Variants in LMNTD1 observed in about 807,000 individuals in gnomAD.
LMNTD1 encodes lamin tail domain containing 1.
Under a neutral mutation model 50.9 loss-of-function variants are expected in LMNTD1, and 35 were observed. The observed-to-expected ratio is 0.69, with a 90% CI of 0.53 to 0.91. LMNTD1 has a LOEUF of 0.91. Ranked by LOEUF, LMNTD1 falls within the 40% of genes least tolerant of loss-of-function variation. The pLI, the probability that LMNTD1 is intolerant of heterozygous loss-of-function variation, is 0.00. For synonymous variants in LMNTD1, 153 were observed against 161.9 expected (o/e 0.94, Z 0.42); for missense variants, 470 against 475.5 (o/e 0.99, Z 0.11).
intron 1 of LMNTD1, among the ~76,000 whole-genome samples, chr12:25,594,651 CAAAAAAAAAAA>C (rs61299586): frequency 1.4e-5 from 1 of 69,902 alleles, no homozygotes; most frequent in Non-Finnish European, 2.7e-5. Context: ...AACAGAAATA[CAAAAAAAAAAA>C]AAAAAAAAAA....
chr12:25,482,526 T>C (rs984137164), intron 9 of LMNTD1, among the ~76,000 whole-genome samples: 1 of 152,046 alleles, frequency 6.6e-6, no homozygotes, highest in African/African-American at 2.4e-5. Context: ...GATGTCTCTT[T>C]TCCTTTGAAC....
intron 1 of LMNTD1, among the ~76,000 whole-genome samples, chr12:25,577,210 T>G (rs1945063455): frequency 6.6e-6 from 1 of 152,206 alleles, no homozygotes; most frequent in African/African-American, 2.4e-5. Context: ...TTAAAGTAGT[T>G]TTTTCCCATT....
chr12:25,634,560 A>G (rs1017187350), intron 1 of LMNTD1, among the ~76,000 whole-genome samples: 1 of 152,200 alleles, frequency 6.6e-6, no homozygotes, highest in African/African-American at 2.4e-5. Context: ...CACCCCATAA[A>G]CAAAATTTAA....
At position 25,494,557 on chromosome 12, in the gene LMNTD1, G is replaced by A. The variant is rs375952664; in HGVS notation, c.*22+9181C>T. On this transcript the variant is annotated intron_variant, in intron 9 of 9. Coordinates refer to ENST00000458174, the MANE Select transcript of LMNTD1 (RefSeq NM_001145728.2). ...CTTGTCTCTGGTTTGTCTCCATAAT[G>A]TATTCCAAAGAATATGATTATGAAT... Among the ~76,000 whole-genome samples, 35 of 152,172 alleles carry A rather than the reference G, an allele frequency of 2.3e-4. No individual in the cohort carries two copies. In the East Asian group the frequency reaches 4.6e-3, roughly 20 times the overall value.
At chr12:25,508,504 AATTT>A (rs762247367) in intron 8 of LMNTD1, among the ~76,000 whole-genome samples, 1 of 152,164 alleles carries the variant, frequency 6.6e-6, no homozygotes, top group Non-Finnish European at 1.5e-5. Flanking sequence ...AACACAGTAT[AATTT>A]ATTTATCCAT....
chr12:25,607,673 A>AT (rs1565516435), intron 1 of LMNTD1, among the ~76,000 whole-genome samples: 3 of 152,160 alleles, frequency 2.0e-5, no homozygotes, highest in Middle Eastern at 3.2e-3. Flanking sequence ...CTGAATTCTA[A>AT]TTTGATTGCA....
At chr12:25,638,431 T>C (rs1946883112) in intron 1 of LMNTD1, among the ~76,000 whole-genome samples, 1 of 152,034 alleles carries the variant, frequency 6.6e-6, no homozygotes, top group Non-Finnish European at 1.5e-5. Context: ...ATCCTGTATG[T>C]AGAAAATACT....
intron 8 of LMNTD1, among the ~76,000 whole-genome samples, chr12:25,508,711 C>T (rs1441300684): frequency 3.9e-5 from 6 of 152,070 alleles, no homozygotes; most frequent in South Asian, 2.1e-4. Context: ...CCTTATTTCA[C>T]GCAGACTTCT....
chr12:25,578,314 G>A (rs1033003255), intron 1 of LMNTD1, among the ~76,000 whole-genome samples: 3 of 152,148 alleles, frequency 2.0e-5, no homozygotes, highest in Admixed American at 2.0e-4. Flanking sequence ...CTGCAATGAC[G>A]GTTACTGGGT....
rs542419456 is a variant in LMNTD1, at chr12:25,503,756, C to T, written c.*4G>A. ...TACTTACCTTTAAAGGTTGAGTTGA[C>T]TGCTTATTGCTTTTGTGACTCAGAT... On this transcript the variant is annotated 3_prime_UTR_variant, in exon 9 of 10. Coordinates refer to ENST00000458174, the MANE Select transcript of LMNTD1 (RefSeq NM_001145728.2). 4 of 1,577,948 alleles carry T rather than the reference C, an allele frequency of 2.5e-6. No homozygotes were observed. Among genetic ancestry groups the T allele is most frequent in the African/African-American group, 1.4e-5 (1 of 73,370 alleles).
rs900356860 is a variant in LMNTD1, at chr12:25,622,471, C to A, written c.58+26023G>T. On this transcript the variant is annotated intron_variant, in intron 1 of 7. Coordinates refer to the LMNTD1 transcript ENST00000445693. ...TGACCTTGAGTTTGTGAGCCCGCCC[C>A]CCCCCGCAAAATAATATCAACATCA... is the stretch of plus-strand genomic sequence containing the variant. Among the ~76,000 whole-genome samples the A allele has an allele frequency of 8.8e-5, 12 of 136,610 alleles. 1 individual carries two copies. Among genetic ancestry groups the A allele is most frequent in the East Asian group, 6.4e-4 (3 of 4,690 alleles). The allele number at this position is 136,610 out of a possible 152,430, so 89.6% of individuals were successfully genotyped here.
chr12:25,567,144 C>T (rs1944587581), intron 1 of LMNTD1, among the ~76,000 whole-genome samples: 1 of 152,162 alleles, frequency 6.6e-6, no homozygotes, highest in Non-Finnish European at 1.5e-5. Context: ...AACCAGACAT[C>T]TGAGATAGAA....
At chr12:25,506,642 G>A (rs901093953) in intron 8 of LMNTD1, among the ~76,000 whole-genome samples, 45 of 151,350 alleles carry the variant, frequency 3.0e-4, no homozygotes, top group Middle Eastern at 3.4e-3. Flanking sequence ...TTAAAGGGCC[G>A]TTAGCCTTCA....
chr12:25,631,336 C>T (rs1401411992), intron 1 of LMNTD1, among the ~76,000 whole-genome samples: 1 of 152,216 alleles, frequency 6.6e-6, no homozygotes, highest in Non-Finnish European at 1.5e-5. Flanking sequence ...AGGAGGCCAA[C>T]CAGCACAAAA....
In LMNTD1 at chr12:25,635,444, C is replaced by G. The variant is rs182644889; in HGVS notation, c.58+13050G>C. ...ACCTAACCAAGGAATTGAAAGACCT[C>G]TACAAGAAAAACTGTAAAACACTGC... On this transcript the variant is annotated intron_variant, in intron 1 of 7. Transcript: ENST00000445693. 1.6e-4 allele frequency among the ~76,000 whole-genome samples: 24 copies of G among 152,188 alleles called. No homozygotes were observed. In the South Asian group the frequency reaches 1.7e-3, roughly 11 times the overall value.
intron 4 of LMNTD1, among the ~76,000 whole-genome samples, chr12:25,529,693 C>A (rs1942089038): frequency 6.6e-6 from 1 of 152,000 alleles, no homozygotes; most frequent in South Asian, 2.1e-4. Context: ...TCAGTCTTAC[C>A]CCCTTCTAAA....
rs61730442 is a variant in LMNTD1, at chr12:25,501,972, G to T, written c.*22+1766C>A. 3.1e-3 allele frequency among the ~76,000 whole-genome samples: 475 copies of T among 152,256 alleles called. 3 individuals are homozygous for T. Among genetic ancestry groups the T allele is most frequent in the African/African-American group, 0.011 (454 of 41,544 alleles). Reference sequence around the variant, plus strand: ...AAGATACCACCAGAGGGGGGTGGGAGCTCTGAGAAAACAGAAGTAAGGCAT... The same window carrying T: ...AAGATACCACCAGAGGGGGGTGGGATCTCTGAGAAAACAGAAGTAAGGCAT... On this transcript the variant is annotated intron_variant, in intron 9 of 9. Coordinates refer to ENST00000458174, the MANE Select transcript of LMNTD1 (RefSeq NM_001145728.2).
At chr12:25,624,230 C>G (rs147653676) in intron 1 of LMNTD1, among the ~76,000 whole-genome samples, 13 of 152,208 alleles carry the variant, frequency 8.5e-5, no homozygotes, top group African/African-American at 2.9e-4. Flanking sequence ...AAGTAGTTAA[C>G]TCCCAGAATC....
At chr12:25,620,097 C>T (rs979683295) in intron 1 of LMNTD1, among the ~76,000 whole-genome samples, 3 of 152,140 alleles carry the variant, frequency 2.0e-5, no homozygotes, top group African/African-American at 7.2e-5. Context: ...GTGTACTACA[C>T]TAAAAGAACA....
Sources: allele counts gnomAD v4.1 joint callset (sites outside exome capture counted in the v4.1 genomes callset), GRCh38; gene constraint gnomAD v4.1.1; transcripts MANE v1.5; gene names NCBI Gene and HGNC (gene_info 2026-07-23, HGNC 2026-07-21).